The following KIAA1549 variants were observed in gnomAD, a reference collection of about 807,000 sequenced individuals.
The protein encoded by KIAA1549 is UPF0606 protein KIAA1549.
Under a neutral mutation model 156.4 loss-of-function variants are expected in KIAA1549, and 70 were observed. The ratio of observed to expected loss-of-function variants is 0.45; its 90% CI spans 0.37 to 0.55. The LOEUF (loss-of-function observed/expected upper bound fraction) is 0.55, where lower values mean the gene tolerates loss of function less well. Ranked by LOEUF, KIAA1549 falls within the 20% of genes least tolerant of loss-of-function variation. KIAA1549 has a pLI of 0.00. For missense variants in KIAA1549, 2,428 were observed against 2,540.9 expected (o/e 0.96, Z 0.96); for synonymous variants, 1,103 against 1,066.4 (o/e 1.03, Z -0.67).
intron 1 of KIAA1549, among the ~76,000 whole-genome samples, chr7:138,932,399 G>GAA (rs145468320): frequency 1.3e-5 from 2 of 149,386 alleles, no homozygotes; most frequent in African/African-American, 4.9e-5. Flanking sequence ...GAAAGGAACA[G>GAA]AAAAAAAAAA....
intron 9 of KIAA1549, among the ~76,000 whole-genome samples, chr7:138,895,012 C>G (rs1238661566): frequency 1.3e-5 from 2 of 152,218 alleles, no homozygotes; most frequent in African/African-American, 4.8e-5. Context: ...TGCATCTCAA[C>G]TAGGAGTTTA....
chr7:138,852,154 G>C, intron 17 of KIAA1549, 69 bp downstream of exon 17: 1 of 1,034,498 alleles, frequency 9.7e-7, no homozygotes, highest in South Asian at 1.4e-5. Context: ...TAAAATTAGT[G>C]AGTTTATAAA....
Position 138,861,453 on chromosome 7 carries a change from C to A in KIAA1549, c.4933G>T (p.Asp1645Tyr). Residue 1645 changes from aspartate to tyrosine, a missense_variant, in exon 16 of 20, where the codon GAT (aspartate) becomes TAT (tyrosine). Around this residue, in one of 5 missense-constraint regions of KIAA1549, gnomAD observed 404 missense variants for 417.0 expected, o/e 0.97. Coordinates refer to ENST00000422774, the MANE Select transcript of KIAA1549 (RefSeq NM_001164665.2). ...HNSAYIGCPS[D>Y]PDLPADVQTP... ...TGCACATCGGCTGGGAGGTCAGGAT[C>A]CGACTACAATGAGAAATGGCAAAGG... The A allele has an allele frequency of 1.2e-6, 2 of 1,606,598 alleles. No homozygotes were observed. Among genetic ancestry groups the A allele is most frequent in the Non-Finnish European group, 8.5e-7 (1 of 1,176,576 alleles).
chr7:138,867,954 A>G, intron 15 of KIAA1549, 21 bp downstream of exon 15: 1 of 1,609,288 alleles, frequency 6.2e-7, no homozygotes, highest in African/African-American at 1.3e-5. Context: ...AGTTCCAGAA[A>G]CTGGAGTCGG....
intron 1 of KIAA1549, among the ~76,000 whole-genome samples, chr7:138,942,908 CAAA>C (rs34506092): frequency 2.2e-5 from 3 of 138,786 alleles, no homozygotes; most frequent in African/African-American, 2.6e-5. Flanking sequence ...GACTCCGTCT[CAAA>C]AAAAAAAAAA....
intron 1 of KIAA1549, among the ~76,000 whole-genome samples, chr7:138,957,138 A>T (rs73730550): frequency 6.6e-6 from 1 of 152,234 alleles, no homozygotes; most frequent in African/African-American, 2.4e-5. Context: ...GGCATAAAAC[A>T]GTTCAACGCA....
intron 15 of KIAA1549, among the ~76,000 whole-genome samples, chr7:138,864,635 G>A (rs1252634799): frequency 6.6e-6 from 1 of 152,104 alleles, no homozygotes; most frequent in Non-Finnish European, 1.5e-5. Context: ...ACGGATTTTG[G>A]TGCCTATTTA....
chr7:138,869,014 T>C (rs1399190823), intron 14 of KIAA1549, among the ~76,000 whole-genome samples: 1 of 152,028 alleles, frequency 6.6e-6, no homozygotes, highest in East Asian at 1.9e-4. Context: ...GGAAAACGCA[T>C]CTATGTCGGG....
At chr7:138,883,135 T>C (rs1223405867) in intron 10 of KIAA1549, among the ~76,000 whole-genome samples, 6 of 140,560 alleles carry the variant, frequency 4.3e-5, no homozygotes, top group Admixed American at 2.9e-4. Context: ...AGACATGGTA[T>C]GGTGGTGCAC....
rs10227679 is a variant in KIAA1549, at chr7:138,881,595, C to A, written c.4033-11G>T. Reference sequence around the variant, plus strand: ...ACTAGGGATCTGCAGCTGAAACATACACACACACAAACAAGATTGTTAACC... The same window carrying A: ...ACTAGGGATCTGCAGCTGAAACATAAACACACACAAACAAGATTGTTAACC... On this transcript the variant is annotated splice_polypyrimidine_tract_variant and intron_variant, in intron 10 of 19. Transcript: ENST00000422774. The A allele has an allele frequency of 1.2e-6, 2 of 1,601,962 alleles. No homozygotes were observed. Among genetic ancestry groups the A allele is most frequent in the Non-Finnish European group, 1.7e-6 (2 of 1,171,818 alleles).
In KIAA1549 at chr7:138,833,282, T is replaced by C. The variant is rs987465818; in HGVS notation, c.*4624A>G. 30 of 232,510 alleles carry C rather than the reference T, an allele frequency of 1.3e-4. No individual in the cohort carries two copies. Among genetic ancestry groups the C allele is most frequent in the African/African-American group, 6.0e-4 (27 of 45,288 alleles). The allele number at this position is 232,510 out of a possible 1,614,324, so 14.4% of individuals were successfully genotyped here. On this transcript the variant is annotated 3_prime_UTR_variant, in exon 20 of 20. Coordinates refer to ENST00000422774, the MANE Select transcript of KIAA1549 (RefSeq NM_001164665.2). ...AATTCATTCATGTCTGAGAATCTAG[T>C]GTGAAAGGGATGAGAGAGACTTATA... is the stretch of plus-strand genomic sequence containing the variant.
intron 1 of KIAA1549, among the ~76,000 whole-genome samples, chr7:138,968,294 A>T (rs1407781080): frequency 6.6e-6 from 1 of 152,194 alleles, no homozygotes; most frequent in East Asian, 1.9e-4. Flanking sequence ...CATGGCACAC[A>T]TCTACCTATG....
intron 1 of KIAA1549, among the ~76,000 whole-genome samples, chr7:138,952,079 C>T (rs1274891457): frequency 6.6e-6 from 1 of 152,154 alleles, no homozygotes; most frequent in Non-Finnish European, 1.5e-5. Flanking sequence ...CACGGGTGAA[C>T]GCACGGAAGG....
At chr7:138,964,827 A>G (rs1336340710) in intron 1 of KIAA1549, among the ~76,000 whole-genome samples, 1 of 152,260 alleles carries the variant, frequency 6.6e-6, no homozygotes, top group Non-Finnish European at 1.5e-5. Flanking sequence ...GGCAATATGC[A>G]TCAAAATTTA....
intron 1 of KIAA1549, among the ~76,000 whole-genome samples, chr7:138,973,184 T>C (rs1563099597): frequency 6.6e-6 from 1 of 152,216 alleles, no homozygotes; most frequent in Non-Finnish European, 1.5e-5. Context: ...AAACATGTTT[T>C]TAAAACTTCC....
Position 138,836,019 on chromosome 7 carries a change from C to T in KIAA1549, c.*1887G>A, listed in dbSNP as rs1809696567. ...TACAACAGGCTTCATTAATGAAGGG[C>T]TAAAACATGGTTTTGAAATCCAGTG... On this transcript the variant is annotated 3_prime_UTR_variant, in exon 20 of 20. Coordinates refer to ENST00000422774, the MANE Select transcript of KIAA1549 (RefSeq NM_001164665.2). 4.7e-6 allele frequency: 1 copy of T among 212,330 alleles called. No homozygotes were observed. The highest frequency in any genetic ancestry group is 5.9e-5 in the Admixed American group (1 of 16,980). 13.2% of individuals were successfully genotyped at this position (212,330 alleles called of 1,614,324 possible).
intron 1 of KIAA1549, among the ~76,000 whole-genome samples, chr7:138,933,439 G>A (rs1389236090): frequency 3.9e-5 from 6 of 152,228 alleles, no homozygotes; most frequent in African/African-American, 1.2e-4. Flanking sequence ...AGCAGACTGA[G>A]GAGCTGTGAC....
intron 1 of KIAA1549, among the ~76,000 whole-genome samples, chr7:138,980,219 G>A (rs932343897): frequency 1.3e-5 from 2 of 152,250 alleles, no homozygotes; most frequent in Non-Finnish European, 2.9e-5. Context: ...TGCCTGTGCA[G>A]GGGCAATCGC....
At chr7:138,965,156 C>T (rs767330267) in intron 1 of KIAA1549, among the ~76,000 whole-genome samples, 2 of 151,890 alleles carry the variant, frequency 1.3e-5, no homozygotes, top group Non-Finnish European at 1.5e-5. Context: ...GGAAGGCCTC[C>T]CTGGTAACAG....
Sources: allele counts gnomAD v4.1 joint callset (sites outside exome capture counted in the v4.1 genomes callset), GRCh38; gene constraint gnomAD v4.1.1; regional missense constraint gnomAD v4.1.1; transcripts MANE v1.5; gene names NCBI Gene and HGNC (gene_info 2026-07-23, HGNC 2026-07-21).